The following HECW2 variants were observed in gnomAD, a reference collection of about 807,000 sequenced individuals.
HECW2 encodes E3 ubiquitin-protein ligase HECW2.
HECW2 carries 61 observed loss-of-function variants against 175.2 expected under a neutral mutation model. The ratio of observed to expected loss-of-function variants is 0.35; its 90% CI spans 0.28 to 0.43. The LOEUF (loss-of-function observed/expected upper bound fraction) is 0.43. Among genes scored for constraint, HECW2 ranks in the 20% least tolerant of loss-of-function variants. HECW2 has a pLI of 1.00. For missense variants in HECW2, 1,524 were observed against 2,000.5 expected (o/e 0.76, Z 4.54); for synonymous variants, 671 against 731.0 (o/e 0.92, Z 1.32).
intron 1 of HECW2, among the ~76,000 whole-genome samples, chr2:196,572,693 G>T (rs558063367): frequency 1.1e-4 from 17 of 152,308 alleles, no homozygotes; most frequent in African/African-American, 4.1e-4. Flanking sequence ...TGGAGACTTT[G>T]GGAGGTAATT....
intron 7 of HECW2, among the ~76,000 whole-genome samples, chr2:196,321,088 T>C (rs1691923605): frequency 6.6e-6 from 1 of 152,228 alleles, no homozygotes; most frequent in Admixed American, 6.5e-5. Flanking sequence ...AGGCTGGAGC[T>C]GCTGGCCTTC....
At chr2:196,498,708 G>A (rs1687477141) in intron 1 of HECW2, among the ~76,000 whole-genome samples, 1 of 152,152 alleles carries the variant, frequency 6.6e-6, no homozygotes, top group East Asian at 1.9e-4. Flanking sequence ...CCTGAACTCT[G>A]CTAAGATGTA....
chr2:196,452,091 A>G (rs1397771612), intron 1 of HECW2, among the ~76,000 whole-genome samples: 2 of 152,182 alleles, frequency 1.3e-5, no homozygotes, highest in East Asian at 3.8e-4. Flanking sequence ...TACATAGCTC[A>G]GTAATGGTAC....
At chr2:196,301,834 G>T (rs935202244) in intron 13 of HECW2, among the ~76,000 whole-genome samples, 3 of 151,142 alleles carry the variant, frequency 2.0e-5, no homozygotes, top group Non-Finnish European at 2.9e-5. Context: ...TCTGTAGGTT[G>T]TCTGTTCACT....
At chr2:196,418,198 G>A (rs921924043) in intron 2 of HECW2, among the ~76,000 whole-genome samples, 6 of 151,364 alleles carry the variant, frequency 4.0e-5, no homozygotes, top group Admixed American at 2.0e-4. Flanking sequence ...GCACCATCTC[G>A]GCTCACTGCA....
chr2:196,325,068 T>C lies in HECW2; in HGVS notation c.653A>G (p.Lys218Arg), dbSNP rs1184688417. 6.2e-7 allele frequency: 1 copy of C among 1,612,872 alleles called. No homozygotes were observed. The highest frequency in any genetic ancestry group is 2.2e-5 in the East Asian group (1 of 44,754). Residue 218 changes from lysine (K) to arginine (R), a missense_variant, in exon 6 of 29, where the codon AAG becomes AGG. Lys to Arg is a conservative substitution (Grantham distance 26, BLOSUM62 2). Coordinates refer to ENST00000644978, the MANE Select transcript of HECW2 (RefSeq NM_001348768.2). Reference protein sequence around the residue: ...YLKMSIQPGKKSSFPTCAHHG... With the variant: ...YLKMSIQPGKRSSFPTCAHHG... ...GTGGGCACAGGTGGGGAAACTGCTC[T>C]TCTTTCCTGGCTGAATTGACATCTT...
At chr2:196,248,754 T>C (rs1475735826) in intron 19 of HECW2, among the ~76,000 whole-genome samples, 1 of 151,860 alleles carries the variant, frequency 6.6e-6, no homozygotes, top group African/African-American at 2.4e-5. Context: ...TGCTAAGACT[T>C]TGTGGTGGGA....
intron 4 of HECW2, among the ~76,000 whole-genome samples, chr2:196,330,335 T>A (rs1692312459): frequency 6.6e-6 from 1 of 152,178 alleles, no homozygotes; most frequent in African/African-American, 2.4e-5. Flanking sequence ...GCACAATTTG[T>A]GGTACATTAG....
intron 1 of HECW2, among the ~76,000 whole-genome samples, chr2:196,444,181 C>T (rs1696118279): frequency 6.6e-6 from 1 of 152,178 alleles, no homozygotes; most frequent in African/African-American, 2.4e-5. Context: ...GTGTGGAATA[C>T]ATCTCAAAAC....
intron 4 of HECW2, among the ~76,000 whole-genome samples, chr2:196,332,815 A>C (rs1325205513): frequency 6.6e-6 from 1 of 152,226 alleles, no homozygotes; most frequent in African/African-American, 2.4e-5. Context: ...TATTAACTAA[A>C]GTCTGTTCCA....
intron 2 of HECW2, among the ~76,000 whole-genome samples, chr2:196,388,565 T>C (rs531063475): frequency 6.6e-6 from 1 of 152,268 alleles, no homozygotes; most frequent in South Asian, 2.1e-4. Flanking sequence ...AGTCAGTCAG[T>C]AGTAGGGCCC....
intron 1 of HECW2, among the ~76,000 whole-genome samples, chr2:196,531,224 T>C (rs1438313406): frequency 2.0e-5 from 3 of 152,196 alleles, no homozygotes; most frequent in Non-Finnish European, 4.4e-5. Context: ...GAGCTGCCTA[T>C]CACCCTGGTT....
intron 1 of HECW2, among the ~76,000 whole-genome samples, chr2:196,543,430 A>T (rs181177390): frequency 1.8e-4 from 28 of 152,242 alleles, no homozygotes; most frequent in African/African-American, 6.7e-4. Flanking sequence ...AAATGTGCAT[A>T]TAATTATATA....
chr2:196,486,539 C>T (rs1687014752), intron 1 of HECW2, among the ~76,000 whole-genome samples: 1 of 152,160 alleles, frequency 6.6e-6, no homozygotes, highest in African/African-American at 2.4e-5. Flanking sequence ...ACAGAAAAGA[C>T]AAAGAAGTGG....
At chr2:196,247,839 T>G (rs1688704638) in intron 19 of HECW2, among the ~76,000 whole-genome samples, 1 of 152,192 alleles carries the variant, frequency 6.6e-6, no homozygotes, top group Non-Finnish European at 1.5e-5. Context: ...GCACTGGTTC[T>G]CCGTATTGGA....
In HECW2 at chr2:196,332,492, T is replaced by C. The variant is rs149673745; in HGVS notation, c.495+1932A>G. 6.8e-3 allele frequency among the ~76,000 whole-genome samples: 1,032 copies of C among 152,318 alleles called. 8 individuals are homozygous for C. The highest frequency in any genetic ancestry group is 0.02 in the Middle Eastern group (6 of 294). On this transcript the variant is annotated intron_variant, in intron 4 of 28. Transcript: ENST00000644978. ...AATACACTATACTGATTGCCAGTGT[T>C]GTATCTGTGACACTTTCAAGATGCT...
At chr2:196,578,279 A>T (rs1043604734) in intron 1 of HECW2, among the ~76,000 whole-genome samples, 1 of 152,180 alleles carries the variant, frequency 6.6e-6, no homozygotes, top group Admixed American at 6.6e-5. Flanking sequence ...AAAAAGAATC[A>T]GTGTACTTGA....
chr2:196,538,314 C>T (rs1689089388), intron 1 of HECW2, among the ~76,000 whole-genome samples: 1 of 152,120 alleles, frequency 6.6e-6, no homozygotes, highest in Admixed American at 6.5e-5. Flanking sequence ...ATTAAGAACG[C>T]CAGGCCCTGT....
intron 2 of HECW2, among the ~76,000 whole-genome samples, chr2:196,432,247 A>C (rs1164499728): frequency 1.3e-5 from 2 of 151,998 alleles, no homozygotes; most frequent in African/African-American, 4.8e-5. Flanking sequence ...TAAAAAAAAA[A>C]GGGCGGCGGG....
Sources: allele counts gnomAD v4.1 joint callset (sites outside exome capture counted in the v4.1 genomes callset), GRCh38; gene constraint gnomAD v4.1.1; transcripts MANE v1.5; gene names NCBI Gene and HGNC (gene_info 2026-07-23, HGNC 2026-07-21).